The following FANCB variants were observed in gnomAD, a reference collection of about 807,000 sequenced individuals.
FANCB encodes Fanconi anemia group B protein.
In FANCB, 5 loss-of-function variants were observed where a neutral mutation model predicts 38.9. The ratio of observed to expected loss-of-function variants is 0.13; its 90% confidence interval spans 0.07 to 0.27. The LOEUF is 0.27. Among genes scored for constraint, FANCB ranks in the 10% least tolerant of loss-of-function variants. The probability of loss-of-function intolerance (pLI) is 1.00; values close to 1 mark genes in which losing one functional copy is unlikely to be tolerated. For missense variants in FANCB, 573 were observed against 602.7 expected (o/e 0.95, Z 0.52); for synonymous variants, 236 against 215.4 (o/e 1.10, Z -0.84).
intron 5 of FANCB, among the ~76,000 whole-genome samples, chrX:14,854,485 A>C (rs1381743734): frequency 8.9e-6 from 1 of 111,841 alleles, no homozygotes; most frequent in African/African-American, 3.3e-5. Flanking sequence ...ATGTGAAAGT[A>C]CACCTCACCT....
chrX:14,796,625 T>C, the FANCB span, among the ~76,000 whole-genome samples: 1 of 96,190 alleles, frequency 1.0e-5, no homozygotes, highest in Non-Finnish European at 2.0e-5. Context: ...ATATATATTA[T>C]ATATATTGCT....
the FANCB span, chrX:14,730,804 C>T: frequency 3.6e-4 from 71 of 198,983 alleles, no homozygotes; most frequent in Non-Finnish European, 5.6e-4. Flanking sequence ...ACATGATATG[C>T]GGGGTCAAGT....
At chrX:14,818,940 TACTC>T in the FANCB span, among the ~76,000 whole-genome samples, 4 of 112,607 alleles carry the variant, frequency 3.6e-5, no homozygotes, top group African/African-American at 1.3e-4. Flanking sequence ...TGAATTCACA[TACTC>T]AAGTTGTTCC....
At chrX:14,731,245 CTTAAA>C in the FANCB span, 2 of 112,267 alleles carry the variant, frequency 1.8e-5, no homozygotes, top group Non-Finnish European at 3.8e-5. Context: ...AATTTTGAAA[CTTAAA>C]TTGTGTATTG....
the FANCB span, among the ~76,000 whole-genome samples, chrX:14,701,114 A>G: frequency 9.0e-6 from 1 of 110,996 alleles, no homozygotes; most frequent in African/African-American, 3.3e-5. Context: ...TTCAGAGAAT[A>G]AAGAGGGAGG....
the FANCB span, among the ~76,000 whole-genome samples, chrX:14,810,995 A>G: frequency 0.19 from 20,966 of 110,347 alleles, 1,809 homozygotes; most frequent in Non-Finnish European, 0.26. Flanking sequence ...AGCCAGAAGA[A>G]AGTGGGGGCC....
At chrX:14,768,498 G>T in the FANCB span, among the ~76,000 whole-genome samples, 1 of 111,714 alleles carries the variant, frequency 9.0e-6, no homozygotes, top group African/African-American at 3.3e-5. Context: ...GGCAATTTTT[G>T]CACATTGACT....
chrX:14,796,564 ATATAT>A, the FANCB span, among the ~76,000 whole-genome samples: 1 of 97,544 alleles, frequency 1.0e-5, no homozygotes, highest in Non-Finnish European at 2.0e-5. Context: ...ATTATATGTT[ATATAT>A]TATATAATAT....
At chrX:14,827,249 T>C in the FANCB span, among the ~76,000 whole-genome samples, 1 of 111,974 alleles carries the variant, frequency 8.9e-6, no homozygotes, top group South Asian at 3.6e-4. Flanking sequence ...TAGAATCAGC[T>C]TGATTTGTGC....
At chrX:14,735,626 C>T in the FANCB span, among the ~76,000 whole-genome samples, 1 of 111,833 alleles carries the variant, frequency 8.9e-6, no homozygotes, top group South Asian at 3.8e-4. Flanking sequence ...CAGAGGGGCA[C>T]CTGCCAGATG....
chrX:14,790,616 T>C, the FANCB span, among the ~76,000 whole-genome samples: 4 of 112,327 alleles, frequency 3.6e-5, no homozygotes, highest in South Asian at 3.7e-4. Context: ...ACTACTATCA[T>C]GTTGAGATGC....
At chrX:14,760,439 G>T in the FANCB span, among the ~76,000 whole-genome samples, 1 of 111,591 alleles carries the variant, frequency 9.0e-6, no homozygotes, top group Non-Finnish European at 1.9e-5. Context: ...AGGTCAACAG[G>T]TTCAAAGTCA....
chrX:14,727,933 C>T, the FANCB span, among the ~76,000 whole-genome samples: 1 of 111,894 alleles, frequency 8.9e-6, no homozygotes, highest in African/African-American at 3.2e-5. Flanking sequence ...ATGCTTGTCA[C>T]AGAGGCAACA....
rs1602006225 is a variant in FANCB, at chrX:14,865,135, G to A, written c.376C>T (p.Leu126=). 1.3e-5 allele frequency: 16 copies of A among 1,202,625 alleles called. No individual in the cohort carries two copies. The highest frequency in any genetic ancestry group is 1.6e-5 in the Non-Finnish European group (14 of 891,243). The change falls in exon 3 of 10, where the codon CTA becomes TTA. Residue 126 remains leucine, a synonymous_variant. Transcript: ENST00000650831. ...AGGCCATCCTTCATCTCATAGCCTA[G>A]TTTAAAACTCAAACGCATTTCAAAT... is the stretch of plus-strand genomic sequence containing the variant. ...NKFEMRLSFK[L]GYEMKDGLRV...
At chrX:14,717,411 A>C in the FANCB span, among the ~76,000 whole-genome samples, 1 of 110,427 alleles carries the variant, frequency 9.1e-6, no homozygotes, top group African/African-American at 3.3e-5. Context: ...ATACTCCTAC[A>C]CACAGTTTTA....
chrX:14,867,464 C>G (rs2147453876), intron 2 of FANCB, among the ~76,000 whole-genome samples: 1 of 111,271 alleles, frequency 9.0e-6, no homozygotes, highest in South Asian at 3.7e-4. Flanking sequence ...ACAAAGGTGC[C>G]AAGAACCACA....
chrX:14,703,894 A>G, the FANCB span, among the ~76,000 whole-genome samples: 2 of 111,668 alleles, frequency 1.8e-5, no homozygotes, highest in Non-Finnish European at 3.8e-5. Flanking sequence ...TCCTTGTCCT[A>G]CACTTCCCCA....
the FANCB span, among the ~76,000 whole-genome samples, chrX:14,808,381 T>A: frequency 8.9e-6 from 1 of 111,961 alleles, no homozygotes; most frequent in East Asian, 2.8e-4. Context: ...AAGTGGGATT[T>A]ATCTCTGGGA....
In FANCB at chrX:14,853,179, A is replaced by G. The variant is rs1445032659; in HGVS notation, c.1198-12T>C. On this transcript the variant is annotated splice_polypyrimidine_tract_variant and intron_variant, in intron 5 of 9. Coordinates refer to ENST00000650831, the MANE Select transcript of FANCB (RefSeq NM_001018113.3). ...GAAGAAAAACAAACCTGTAAAGTAGAAAGAAAAATAGTGGCAAGAAACATG... is the reference window on the plus strand; with the variant it reads ...GAAGAAAAACAAACCTGTAAAGTAGGAAGAAAAATAGTGGCAAGAAACATG... The G allele has an allele frequency of 8.3e-7, 1 of 1,198,676 alleles. No individual in the cohort carries two copies. Among genetic ancestry groups the G allele is most frequent in the Non-Finnish European group, 1.1e-6 (1 of 884,810 alleles).
Sources: allele counts gnomAD v4.1 joint callset (sites outside exome capture counted in the v4.1 genomes callset), GRCh38; gene constraint gnomAD v4.1.1; transcripts MANE v1.5; gene names NCBI Gene and HGNC (gene_info 2026-07-23, HGNC 2026-07-21).